The following ULK4 variants were observed in gnomAD, a reference collection of about 807,000 sequenced individuals.
ULK4 encodes the protein inactive serine/threonine-protein kinase ULK4.
In ULK4, 133 loss-of-function variants were observed where a neutral mutation model predicts 160.6. That is an observed-to-expected ratio of 0.83 (90% CI 0.72 to 0.96). The LOEUF (loss-of-function observed/expected upper bound fraction) is 0.96, where lower values mean the gene tolerates loss of function less well. Ranked by LOEUF, ULK4 falls within the 40% of genes least tolerant of loss-of-function variation. ULK4 has a pLI of 0.00. For synonymous variants in ULK4, 534 were observed against 539.8 expected (o/e 0.99, Z 0.15); for missense variants, 1,580 against 1,499.5 (o/e 1.05, Z -0.89).
intron 35 of ULK4, among the ~76,000 whole-genome samples, chr3:41,280,061 A>G (rs913241276): frequency 6.6e-6 from 1 of 152,226 alleles, no homozygotes; most frequent in Non-Finnish European, 1.5e-5. Flanking sequence ...AGAAACAAAG[A>G]AGGCCATTAC....
chr3:41,311,810 C>T (rs1282361418), intron 35 of ULK4, among the ~76,000 whole-genome samples: 20 of 151,252 alleles, frequency 1.3e-4, no homozygotes, highest in Admixed American at 1.1e-3. Flanking sequence ...CCTTGTGATC[C>T]GCCACCTCAG....
intron 35 of ULK4, among the ~76,000 whole-genome samples, chr3:41,392,517 A>T (rs1191915777): frequency 6.6e-6 from 1 of 152,108 alleles, no homozygotes; most frequent in Non-Finnish European, 1.5e-5. Flanking sequence ...TTCTCTAACA[A>T]CCATGGTTTA....
chr3:41,890,153 G>A (rs1350805117), intron 16 of ULK4, among the ~76,000 whole-genome samples: 1 of 152,162 alleles, frequency 6.6e-6, no homozygotes, highest in East Asian at 1.9e-4. Context: ...TTAGATAATG[G>A]CAATGGTTGA....
intron 35 of ULK4, among the ~76,000 whole-genome samples, chr3:41,365,856 TAAAA>T (rs551465004): frequency 6.7e-6 from 1 of 148,292 alleles, no homozygotes; most frequent in Non-Finnish European, 1.5e-5. Context: ...ACTACAGACT[TAAAA>T]AAAAAAGTTA....
At chr3:41,786,418 T>C (rs2039998093) in intron 21 of ULK4, among the ~76,000 whole-genome samples, 2 of 151,826 alleles carry the variant, frequency 1.3e-5, no homozygotes, top group Non-Finnish European at 2.9e-5. Flanking sequence ...CTGGGCAACA[T>C]AGCAAGACCC....
intron 32 of ULK4, among the ~76,000 whole-genome samples, chr3:41,482,826 G>A (rs893562689): frequency 6.6e-6 from 1 of 152,116 alleles, no homozygotes; most frequent in African/African-American, 2.4e-5. Flanking sequence ...TTCACTGAGA[G>A]CTTTAAATAG....
At chr3:41,258,656 T>C (rs2078883507) in intron 35 of ULK4, among the ~76,000 whole-genome samples, 1 of 152,170 alleles carries the variant, frequency 6.6e-6, no homozygotes, top group Non-Finnish European at 1.5e-5. Context: ...CAGGCATCCA[T>C]TTCCTGCAAA....
intron 32 of ULK4, among the ~76,000 whole-genome samples, chr3:41,469,616 A>AAAAAAAAAAAAAC (rs1559625795): frequency 3.4e-5 from 5 of 148,106 alleles, no homozygotes; most frequent in African/African-American, 1.0e-4. Flanking sequence ...AAAAAAAAAA[A>AAAAAAAAAAAAAC]AAAAAAAAAA....
In ULK4 at chr3:41,532,954, A is replaced by G. The variant is rs187535756; in HGVS notation, c.3226+33071T>C. ...ATATGGCTTAGTGATTCTCTCAACC[A>G]ATAAAATGTGATGAAATTAACATGA... On this transcript the variant is annotated intron_variant, in intron 32 of 36. Transcript: ENST00000301831. 6.2e-3 allele frequency among the ~76,000 whole-genome samples: 939 copies of G among 152,324 alleles called. 6 individuals carry two copies. The highest frequency in any genetic ancestry group is 9.6e-3 in the Non-Finnish European group (651 of 68,020).
chr3:41,698,617 A>C (rs2036574535), intron 27 of ULK4, among the ~76,000 whole-genome samples: 1 of 152,214 alleles, frequency 6.6e-6, no homozygotes, highest in African/African-American at 2.4e-5. Flanking sequence ...GGGATAATCA[A>C]CCTGTATATA....
chr3:41,896,839 G>A lies in ULK4; in HGVS notation c.1513C>T (p.Leu505Phe). 3.1e-6 allele frequency: 5 copies of A among 1,612,796 alleles called. No homozygotes were observed. The highest frequency in any genetic ancestry group is 1.1e-5 in the South Asian group (1 of 91,010). ...AGGCTTACCAGGGGGGAATGGAGGA[G>A]CCTGGTGGCCACCTCCTGGTGACCA... ...VAGHQEVATR[L>F]LHSPLFQLLI... is the part of the protein sequence containing the mutation. Residue 505 changes from leucine to phenylalanine, a missense_variant, in exon 15 of 37, where the codon CTC (leucine) becomes TTC (phenylalanine). By Grantham distance (22) the Leu-to-Phe change is conservative (BLOSUM62 0). Transcript: ENST00000301831.
At position 41,658,333 on chromosome 3, in the gene ULK4, TAATTGGCCTAGG is replaced by T. The variant is rs573702504; in HGVS notation, c.3071+5262_3071+5273del. 1.1e-4 allele frequency among the ~76,000 whole-genome samples: 16 copies of T among 152,348 alleles called. No homozygotes were observed. The East Asian group carries it at 2.5e-3, about 24-fold the overall frequency. On this transcript the variant is annotated intron_variant, in intron 30 of 36. Transcript: ENST00000301831. Reference sequence around the variant, plus strand: ...GTGTCTAGCCCTAGAGATTGTGATTTAATTGGCCTAGGGTATGGCCTGGACTTCAAATTTTTA... The same window carrying T: ...GTGTCTAGCCCTAGAGATTGTGATTTGTATGGCCTGGACTTCAAATTTTTA...
intron 2 of ULK4, among the ~76,000 whole-genome samples, chr3:41,947,836 A>G (rs1240610793): frequency 6.6e-6 from 1 of 152,146 alleles, no homozygotes; most frequent in Non-Finnish European, 1.5e-5. Context: ...GCTCAAAAGT[A>G]CAGGATCATT....
intron 29 of ULK4, 71 bp from the exon 30 acceptor site, chr3:41,663,770 G>T (rs2125763356): frequency 2.4e-6 from 3 of 1,233,410 alleles, no homozygotes; most frequent in East Asian, 4.7e-5. Context: ...TCTATATCCA[G>T]CCAAACTATC....
intron 32 of ULK4, among the ~76,000 whole-genome samples, chr3:41,504,548 T>C (rs1455362293): frequency 6.6e-6 from 1 of 152,182 alleles, no homozygotes; most frequent in Non-Finnish European, 1.5e-5. Context: ...ACTGATTAAA[T>C]GTGACAAGCT....
In ULK4 at chr3:41,935,228, T is replaced by A. The variant is rs1251988017; in HGVS notation, c.378+573A>T. Among the ~76,000 whole-genome samples the A allele has an allele frequency of 7.1e-3, 74 of 10,350 alleles. 1 individual carries two copies. The highest frequency in any genetic ancestry group is 0.011 in the African/African-American group (70 of 6,602). The allele number at this position is 10,350 out of a possible 152,430, so 6.8% of individuals were successfully genotyped here. ...TTATTTATTTTTTTTTTTTTTTTTT[T>A]TTTTTTTTTTTTTTTTTGAGACGGA... On this transcript the variant is annotated intron_variant, in intron 4 of 36. Transcript: ENST00000301831.
chr3:41,693,695 A>T (rs1237167821), intron 27 of ULK4, among the ~76,000 whole-genome samples: 3 of 152,228 alleles, frequency 2.0e-5, no homozygotes, highest in Admixed American at 6.5e-5. Flanking sequence ...GTATGATGGA[A>T]TGGCAATGGA....
At chr3:41,283,642 C>A (rs903264081) in intron 35 of ULK4, among the ~76,000 whole-genome samples, 3 of 152,028 alleles carry the variant, frequency 2.0e-5, no homozygotes, top group African/African-American at 7.3e-5. Context: ...CAGGGCCTCT[C>A]AGCGGGTAGG....
chr3:41,540,557 A>C (rs1362581577), intron 32 of ULK4, among the ~76,000 whole-genome samples: 1 of 152,212 alleles, frequency 6.6e-6, no homozygotes, highest in East Asian at 1.9e-4. Flanking sequence ...ATACCCAGTA[A>C]TGGGATCGCT....
Sources: allele counts gnomAD v4.1 joint callset (sites outside exome capture counted in the v4.1 genomes callset), GRCh38; gene constraint gnomAD v4.1.1; transcripts MANE v1.5; gene names NCBI Gene and HGNC (gene_info 2026-07-23, HGNC 2026-07-21).